Variants in KPNB1 observed in about 807,000 individuals in gnomAD.
KPNB1 encodes karyopherin subunit beta 1.
KPNB1 carries 7 observed loss-of-function variants against 113.0 expected under a neutral mutation model. That is an observed-to-expected ratio of 0.06 (90% confidence interval 0.04 to 0.12). The LOEUF is 0.12. KPNB1 is among the 10% of genes least tolerant of loss of function. KPNB1 has a pLI of 1.00. For missense variants in KPNB1, 400 were observed against 1,054.8 expected (o/e 0.38, Z 8.60); for synonymous variants, 363 against 378.6 (o/e 0.96, Z 0.48).
At position 47,674,725 on chromosome 17, in the gene KPNB1, G is replaced by A. The variant is rs2030545531; in HGVS notation, c.1855G>A (p.Ala619Thr). 1 of 1,614,100 alleles carries A rather than the reference G, an allele frequency of 6.2e-7. No homozygotes were observed. The change falls in exon 15 of 22, where the codon GCT becomes ACT. Residue 619 changes from alanine to threonine, a missense_variant. This residue lies in a region of KPNB1 where 115 missense variants were observed against 427.9 expected (regional missense o/e 0.27). Coordinates refer to ENST00000290158, the MANE Select transcript of KPNB1 (RefSeq NM_002265.6). ...CCTGTTAAGGATGTTCCAAAGCACA[G>A]CTGGGTCTGGGGGAGTACAAGAGGA... Reference protein sequence around the residue: ...ASLLRMFQSTAGSGGVQEDAL... With the variant: ...ASLLRMFQSTTGSGGVQEDAL...
intron 3 of KPNB1, 123 bp downstream of exon 3, chr17:47,652,999 C>T: frequency 1.7e-6 from 1 of 582,558 alleles, no homozygotes; most frequent in East Asian, 3.2e-5. Context: ...CTCAACTTTA[C>T]CTAAAGATAA....
intron 3 of KPNB1, among the ~76,000 whole-genome samples, chr17:47,654,449 G>A (rs1226250097): frequency 1.3e-5 from 2 of 149,280 alleles, no homozygotes; most frequent in Non-Finnish European, 3.0e-5. Flanking sequence ...TAGATAATTT[G>A]TATAGGCATG....
At chr17:47,657,394 C>T (rs770251876) in intron 4 of KPNB1, among the ~76,000 whole-genome samples, 35 of 152,162 alleles carry the variant, frequency 2.3e-4, no homozygotes, top group Non-Finnish European at 4.4e-4. Context: ...AATGTTGTGG[C>T]GCATTTTCAT....
At position 47,682,786 on chromosome 17, in the gene KPNB1, A is replaced by G. The variant is rs2030823494; in HGVS notation, c.*382A>G. 3.7e-6 allele frequency: 1 copy of G among 267,720 alleles called. No individual in the cohort carries two copies. The highest frequency in any genetic ancestry group is 5.0e-5 in the Admixed American group (1 of 19,982). The allele number at this position is 267,720 out of a possible 1,614,324, so 16.6% of individuals were successfully genotyped here. The stretch of plus-strand genomic sequence containing the variant: ...TGCCTGGTTTGGGGGAGGAGGAGGG[A>G]CTGGGTTCAGCTGTGGTGCTTTGTT... On this transcript the variant is annotated 3_prime_UTR_variant, in exon 22 of 22. Coordinates refer to ENST00000290158, the MANE Select transcript of KPNB1 (RefSeq NM_002265.6).
At chr17:47,650,465 C>G in intron 2 of KPNB1, 21 bp downstream of exon 2, 1 of 1,592,052 alleles carries the variant, frequency 6.3e-7, no homozygotes, top group Non-Finnish European at 8.5e-7. Context: ...CCCCGCCGCG[C>G]CCATCCCGCC....
At chr17:47,670,940 G>A in intron 12 of KPNB1, 108 bp downstream of exon 12, 2 of 994,026 alleles carry the variant, frequency 2.0e-6, no homozygotes, top group Non-Finnish European at 1.5e-6. Flanking sequence ...GACAGGACAA[G>A]ACTCTACCTT....
chr17:47,667,428 T>G (rs892850469), intron 9 of KPNB1, among the ~76,000 whole-genome samples: 2 of 150,586 alleles, frequency 1.3e-5, no homozygotes, highest in Admixed American at 1.3e-4. Context: ...CACTGCACCT[T>G]GCCTCTTTTT....
chr17:47,664,210 A>G lies in KPNB1; in HGVS notation c.838A>G (p.Ile280Val). The change falls in exon 8 of 22, where the codon ATA (isoleucine) becomes GTA (valine). Residue 280 changes from isoleucine to valine, a missense_variant. By Grantham distance (29) the Ile-to-Val change is conservative (BLOSUM62 3). Coordinates refer to ENST00000290158, the MANE Select transcript of KPNB1 (RefSeq NM_002265.6). ...SDIDEVALQG[I>V]EFWSNVCDEE... ...CATTGATGAGGTGGCTTTACAAGGG[A>G]TAGAATTCTGGTCCAATGTCTGTGA... 6.2e-7 allele frequency: 1 copy of G among 1,613,862 alleles called. No individual in the cohort carries two copies. Among genetic ancestry groups the G allele is most frequent in the Non-Finnish European group, 8.5e-7 (1 of 1,179,868 alleles).
intron 19 of KPNB1, 175 bp downstream of exon 19, chr17:47,678,588 C>T (rs4239163): frequency 0.49 from 288,947 of 585,132 alleles, 72,241 homozygotes; most frequent in African/African-American, 0.61. Context: ...CTGTAGACTA[C>T]TGTTTTTGCT....
At chr17:47,677,922 G>A (rs1046590042) in intron 17 of KPNB1, 124 bp from the exon 18 acceptor site, 1 of 971,568 alleles carries the variant, frequency 1.0e-6, no homozygotes, top group Non-Finnish European at 1.6e-6. Context: ...GAAAGGTTTT[G>A]TAAGCTATAA....
At chr17:47,651,205 GT>G (rs916657427) in intron 2 of KPNB1, 1 of 985,032 alleles carries the variant, frequency 1.0e-6, no homozygotes, top group Non-Finnish European at 1.2e-6. Context: ...AATTTAAGGG[GT>G]CCGGAGAAAA....
chr17:47,675,361 G>GTTGTTTTTTTTTTTTTTTTTTTTTTTT (rs1567894260), intron 15 of KPNB1, among the ~76,000 whole-genome samples: 4 of 88,694 alleles, frequency 4.5e-5, no homozygotes, highest in Non-Finnish European at 9.2e-5. Context: ...CAGAGGTGTT[G>GTTGTTTTTTTTTTTTTTTTTTTTTTTT]TTTTTTTTTT....
rs766937505 is a variant in KPNB1 at position 47,680,003 on chromosome 17, TTC to T, written c.2354-9_2354-8del. 7 of 1,573,848 alleles carry T rather than the reference TTC, an allele frequency of 4.4e-6. No homozygotes were observed. The highest frequency in any genetic ancestry group is 2.2e-5 in the East Asian group (1 of 44,714). On this transcript the variant is annotated splice_polypyrimidine_tract_variant and intron_variant, in intron 19 of 21. Coordinates refer to ENST00000290158, the MANE Select transcript of KPNB1 (RefSeq NM_002265.6). ...TGAGCCACCGCACCCGACCAATACC[TTC>T]TCTCTCTTTTATAGCGGATGTGATG...
In KPNB1 at chr17:47,669,630, T is replaced by C. The variant is rs778567324; in HGVS notation, c.1225-48T>C. The C allele has an allele frequency of 2.1e-6, 3 of 1,406,328 alleles. No individual in the cohort carries two copies. In the African/African-American group the frequency reaches 4.2e-5, roughly 20 times the overall value. 87.1% of individuals were successfully genotyped at this position (1,406,328 alleles called of 1,614,324 possible). On this transcript the variant is annotated intron_variant, in intron 10 of 21. Coordinates refer to ENST00000290158, the MANE Select transcript of KPNB1 (RefSeq NM_002265.6). Reference sequence around the variant, plus strand: ...TCTTTCTCTGGGGTAGTAGTTAACATGAATTTTAATCTTTGTTTTGCTTTG... The same window carrying C: ...TCTTTCTCTGGGGTAGTAGTTAACACGAATTTTAATCTTTGTTTTGCTTTG...
chr17:47,656,151 G>A (rs765770705), intron 3 of KPNB1, among the ~76,000 whole-genome samples: 1 of 152,136 alleles, frequency 6.6e-6, no homozygotes, highest in Non-Finnish European at 1.5e-5. Context: ...CTACTTGCTG[G>A]GGGGAGCTAA....
chr17:47,650,576 C>G (rs1174655520), intron 2 of KPNB1, 132 bp downstream of exon 2: 7 of 751,750 alleles, frequency 9.3e-6, no homozygotes, highest in Admixed American at 4.5e-5. Flanking sequence ...CCTCCCCCTC[C>G]CCCCCCAACC....
At chr17:47,674,846 A>C in intron 15 of KPNB1, 64 bp downstream of exon 15, 4 of 1,511,516 alleles carry the variant, frequency 2.6e-6, no homozygotes, top group Non-Finnish European at 3.6e-6. Context: ...AGTGGCCTTA[A>C]ATAATTGTCA....
rs1410815314 is a variant in KPNB1 at position 47,661,163 on chromosome 17, G to A, written c.681G>A (p.Gln227=). 6.2e-7 allele frequency: 1 copy of A among 1,612,868 alleles called. No homozygotes were observed. The highest frequency in any genetic ancestry group is 8.5e-7 in the Non-Finnish European group (1 of 1,178,838). The change falls in exon 6 of 22, where the codon CAG becomes CAA. Residue 227 remains glutamine, a synonymous_variant. Transcript: ENST00000290158. ...TGCAGGTGGTCTGTGAAGCCACACA[G>A]TGTCCAGATACGAGGGTAAGTGTGA... ...FIMQVVCEAT[Q]CPDTRVRVAA...
At position 47,649,939 on chromosome 17, in the gene KPNB1, T is replaced by C; in HGVS notation, c.-306T>C. 3.9e-6 allele frequency: 5 copies of C among 1,286,194 alleles called. No homozygotes were observed. The highest frequency in any genetic ancestry group is 4.9e-6 in the Non-Finnish European group (5 of 1,018,138). The allele number at this position is 1,286,194 out of a possible 1,614,324, so 79.7% of individuals were successfully genotyped here. On this transcript the variant is annotated 5_prime_UTR_variant, in exon 1 of 22. Coordinates refer to ENST00000290158, the MANE Select transcript of KPNB1 (RefSeq NM_002265.6). ...TCGCTCCCTCCCTGCGCGCCGCCTC[T>C]CACTCACAGCCTCCCTTCCTTCTTT... is the stretch of plus-strand genomic sequence containing the variant.
Sources: gnomAD v4.1 joint callset for allele counts (sites outside exome capture counted in the v4.1 genomes callset) on GRCh38, gnomAD v4.1.1 for gene constraint, gnomAD v4.1.1 regional missense constraint, MANE v1.5 for transcripts, NCBI Gene and HGNC (gene_info 2026-07-23, HGNC 2026-07-21) for gene names.